MYH9: variants seen among roughly 807,000 people sequenced by gnomAD.
MYH9 encodes the protein myosin-9.
In MYH9, 29 loss-of-function variants were observed where a neutral mutation model predicts 241.9. The observed-to-expected ratio is 0.12, with a 90% CI of 0.09 to 0.16. MYH9 has a LOEUF of 0.16. Ranked by LOEUF, MYH9 falls within the 10% of genes least tolerant of loss-of-function variation. MYH9 has a pLI of 1.00. For synonymous variants in MYH9, 1,047 were observed against 1,062.6 expected, an observed-to-expected ratio of 0.99 and a Z score of 0.29; for missense variants, 1,803 against 2,595.5, an observed-to-expected ratio of 0.69 and a Z score of 6.63.
At chr22:36,382,204 G>A (rs569570446) in intron 1 of MYH9, among the ~76,000 whole-genome samples, 1 of 152,188 alleles carries the variant, frequency 6.6e-6, no homozygotes, top group African/African-American at 2.4e-5. Flanking sequence ...GCCAGGTGCG[G>A]TGGCTCACGC....
chr22:36,387,150 G>A (rs922184259), intron 1 of MYH9, among the ~76,000 whole-genome samples: 10 of 152,040 alleles, frequency 6.6e-5, no homozygotes, highest in African/African-American at 2.2e-4. Flanking sequence ...CCCTTGTCCG[G>A]GCAGCCGCCG....
Position 36,293,255 on chromosome 22 carries a change from G to A in MYH9, c.4095+74C>T. On this transcript the variant is annotated intron_variant, in intron 30 of 40. Coordinates refer to ENST00000216181, the MANE Select transcript of MYH9 (RefSeq NM_002473.6). The surrounding 1 kb of genome is among the most constrained non-coding windows in gnomAD (Gnocchi z 5.1). ...CCGGCCCAGCGGGCAGGGCTGTCCT[G>A]CAGTGCCCAGGCCAGTGCCCGGCCA... 6.3e-7 allele frequency: 1 copy of A among 1,597,486 alleles called. No individual in the cohort carries two copies. Among genetic ancestry groups the A allele is most frequent in the Admixed American group, 1.7e-5 (1 of 59,852 alleles).
intron 27 of MYH9, 71 bp from the exon 28 acceptor site, chr22:36,294,369 G>A: frequency 7.9e-6 from 12 of 1,520,610 alleles, no homozygotes; most frequent in African/African-American, 1.4e-5. Context: ...ATCATCACTG[G>A]ACCCTAGATC....
At chr22:36,353,110 T>A (rs200465106) in intron 1 of MYH9, among the ~76,000 whole-genome samples, 18,760 of 117,902 alleles carry the variant, frequency 0.16, 2,526 homozygotes, top group East Asian at 0.79. Flanking sequence ...GGCGTGTGTG[T>A]GTGTGTGTGT....
intron 1 of MYH9, among the ~76,000 whole-genome samples, chr22:36,381,694 G>A (rs9610498): frequency 0.39 from 58,889 of 151,894 alleles, 14,160 homozygotes; most frequent in Non-Finnish European, 0.55. Flanking sequence ...ACTACTTTGC[G>A]TCTGGTGTTT....
rs1196673013 is a variant in MYH9, at chr22:36,293,697, T to G, written c.3942+62A>C. The stretch of plus-strand genomic sequence containing the variant: ...ATCCGATGGGCTCTGAAGCTAATGT[T>G]GCGTGGACACAGAGGCCTTTCTGGA... On this transcript the variant is annotated intron_variant, in intron 29 of 40. Coordinates refer to ENST00000216181, the MANE Select transcript of MYH9 (RefSeq NM_002473.6). The surrounding 1 kb of genome is among the most constrained non-coding windows in gnomAD (Gnocchi z 5.1). The G allele has an allele frequency of 6.8e-7, 1 of 1,463,138 alleles. No homozygotes were observed. The highest frequency in any genetic ancestry group is 9.5e-7 in the Non-Finnish European group (1 of 1,051,188). 90.6% of individuals were successfully genotyped at this position (1,463,138 alleles called of 1,614,324 possible).
At position 36,330,312 on chromosome 22, in the gene MYH9, G is replaced by A. The variant is rs1359867775; in HGVS notation, c.491-2824C>T. Among the ~76,000 whole-genome samples, 2 of 152,172 alleles carry A rather than the reference G, an allele frequency of 1.3e-5. No individual in the cohort carries two copies. The highest frequency in any genetic ancestry group is 2.1e-4 in the South Asian group (1 of 4,832). ...AGGCCTCCTCATTGCATCTCTTACC[G>A]CACTGCTTAGTATCCTAAATCCACC... is the stretch of plus-strand genomic sequence containing the variant. On this transcript the variant is annotated intron_variant, in intron 3 of 40. Coordinates refer to ENST00000216181, the MANE Select transcript of MYH9 (RefSeq NM_002473.6). This position sits in a 1 kb window ranked among gnomAD's most constrained non-coding sequence, Gnocchi z 4.5.
At position 36,287,599 on chromosome 22, in the gene MYH9, G is replaced by A. The variant is rs377209821; in HGVS notation, c.4932+653C>T. On this transcript the variant is annotated intron_variant, in intron 34 of 40. Transcript: ENST00000216181. ...TCTACTAAAAATACAAAAATTAGCC[G>A]GGCGTGGCGGCGTGCGCCTGTAGTC... 6.6e-5 allele frequency among the ~76,000 whole-genome samples: 10 copies of A among 152,234 alleles called. No individual in the cohort carries two copies. The East Asian group carries it at 1.5e-3, about 24-fold the overall frequency.
chr22:36,362,898 G>T (rs1244576155), intron 1 of MYH9, among the ~76,000 whole-genome samples: 2 of 152,052 alleles, frequency 1.3e-5, no homozygotes, highest in African/African-American at 4.8e-5. Context: ...ATAGAAGTGT[G>T]CCCCCTACAG....
chr22:36,286,910 G>A, intron 34 of MYH9, 64 bp from the exon 35 acceptor site: 3 of 1,597,990 alleles, frequency 1.9e-6, no homozygotes, highest in Non-Finnish European at 2.5e-6. Flanking sequence ...CAACCCTCAT[G>A]GGTCACCTCG....
intron 31 of MYH9, among the ~76,000 whole-genome samples, chr22:36,290,338 CAAAAA>C (rs530199922): frequency 1.9e-5 from 1 of 53,726 alleles, no homozygotes; most frequent in African/African-American, 5.7e-5. Context: ...AGACAGTCTC[CAAAAA>C]AAAAAAAAAA....
In MYH9 at chr22:36,295,429, C is replaced by A; in HGVS notation, c.3485+76G>T. 2 of 1,188,666 alleles carry A rather than the reference C, an allele frequency of 1.7e-6. No individual in the cohort carries two copies. Among genetic ancestry groups the A allele is most frequent in the South Asian group, 1.3e-5 (1 of 79,520 alleles). 73.6% of individuals were successfully genotyped at this position (1,188,666 alleles called of 1,614,324 possible). A position where few individuals can be genotyped will look rare whatever the true frequency, so the allele number is the denominator to read the frequency against. ...GTGTGTGTGTGTGTGTGTGCAGAGG[C>A]CCGGGGTCCATGTCTCCAAGCCAAG... On this transcript the variant is annotated intron_variant, in intron 26 of 40. Transcript: ENST00000216181. This position sits in a 1 kb window ranked among gnomAD's most constrained non-coding sequence, Gnocchi z 4.1.
rs1335054853 is a variant in MYH9, at chr22:36,289,265, C to A, written c.4377G>T (p.Lys1459Asn). The change falls in exon 32 of 41, where the codon AAG becomes AAT. Residue 1459 changes from lysine (K) to asparagine (N), a missense_variant. Coordinates refer to ENST00000216181, the MANE Select transcript of MYH9 (RefSeq NM_002473.6). ...CAGCCCGGTCGCGCTCCTCTGCATACTTGGCAGAGATGGTCTTCTCCTCCG... is the reference window on the plus strand; with the variant it reads ...CAGCCCGGTCGCGCTCCTCTGCATAATTGGCAGAGATGGTCTTCTCCTCCG... Reference protein sequence around the residue: ...LLAEEKTISAKYAEERDRAEA... With the variant: ...LLAEEKTISANYAEERDRAEA... 4 of 1,612,514 alleles carry A rather than the reference C, an allele frequency of 2.5e-6. No individual in the cohort carries two copies. The highest frequency in any genetic ancestry group is 3.4e-6 in the Non-Finnish European group (4 of 1,179,922).
chr22:36,287,444 A>G (rs1336045434), intron 34 of MYH9, among the ~76,000 whole-genome samples: 1 of 151,922 alleles, frequency 6.6e-6, no homozygotes, highest in Non-Finnish European at 1.5e-5. Context: ...TTTTTTTTAC[A>G]CTTAACATTT....
At chr22:36,307,823 G>T (rs1260091544) in intron 15 of MYH9, among the ~76,000 whole-genome samples, 4 of 151,968 alleles carry the variant, frequency 2.6e-5, no homozygotes, top group Non-Finnish European at 5.9e-5. Context: ...AGGAGGCGGA[G>T]GTTGCAGTGA....
chr22:36,303,157 C>T (rs979901990), intron 19 of MYH9, among the ~76,000 whole-genome samples: 1 of 151,776 alleles, frequency 6.6e-6, no homozygotes, highest in African/African-American at 2.4e-5. Context: ...GATAAACAAG[C>T]CTCCATCTGT....
chr22:36,354,419 G>GT (rs2017818917), intron 1 of MYH9, among the ~76,000 whole-genome samples: 1 of 149,282 alleles, frequency 6.7e-6, no homozygotes, highest in South Asian at 2.2e-4. Flanking sequence ...CACTTATAAG[G>GT]TTTTTTTACC....
intron 1 of MYH9, among the ~76,000 whole-genome samples, chr22:36,379,639 G>C (rs556477648): frequency 9.2e-4 from 140 of 152,350 alleles, no homozygotes; most frequent in Non-Finnish European, 1.7e-3. Flanking sequence ...GAAGTACCAA[G>C]GAAGTGACTC....
chr22:36,294,002 G>C (rs898903875), intron 28 of MYH9, 90 bp downstream of exon 28: 2 of 1,508,394 alleles, frequency 1.3e-6, no homozygotes, highest in Non-Finnish European at 1.8e-6. Flanking sequence ...AGAAGAGAGA[G>C]AGACAGAGAG....
Sources: gnomAD v4.1 joint callset for allele counts (sites outside exome capture counted in the v4.1 genomes callset) on GRCh38, gnomAD v4.1.1 for gene constraint, Gnocchi (gnomAD v3.1) non-coding constraint, MANE v1.5 for transcripts, NCBI Gene and HGNC (gene_info 2026-07-23, HGNC 2026-07-21) for gene names.